Variants in GFRA1 observed in about 807,000 individuals in gnomAD.
GFRA1 encodes GDNF family receptor alpha-1.
GFRA1 carries 16 observed loss-of-function variants against 51.6 expected under a neutral mutation model. That is an observed-to-expected ratio of 0.31 (90% confidence interval 0.21 to 0.47). The LOEUF is 0.47. GFRA1 is among the 20% of genes least tolerant of loss of function. GFRA1 has a pLI of 1.00. For synonymous variants in GFRA1, 270 were observed against 241.3 expected (o/e 1.12, Z -1.10); for missense variants, 530 against 594.3 (o/e 0.89, Z 1.13).
intron 6 of GFRA1, among the ~76,000 whole-genome samples, chr10:116,097,078 A>G (rs1283298632): frequency 6.6e-6 from 1 of 151,972 alleles, no homozygotes; most frequent in Non-Finnish European, 1.5e-5. Context: ...TCCATTCAAT[A>G]TTTATTTCTG....
intron 5 of GFRA1, among the ~76,000 whole-genome samples, chr10:116,206,941 A>C (rs1964824220): frequency 6.6e-6 from 1 of 152,136 alleles, no homozygotes; most frequent in Admixed American, 6.5e-5. Flanking sequence ...CTGAAACCAC[A>C]TTCTTTTAAC....
chr10:116,197,130 C>A (rs1361766211), intron 5 of GFRA1, among the ~76,000 whole-genome samples: 1 of 152,016 alleles, frequency 6.6e-6, no homozygotes, highest in African/African-American at 2.4e-5. Context: ...ATGTTGGTGT[C>A]TCCCTGAAGT....
intron 3 of GFRA1, 122 bp from the exon 4 acceptor site, chr10:116,269,708 A>G: frequency 1.4e-6 from 1 of 707,866 alleles, no homozygotes; most frequent in Non-Finnish European, 2.6e-6. Flanking sequence ...TGAAACTTTG[A>G]AAGATTTCAA....
intron 6 of GFRA1, among the ~76,000 whole-genome samples, chr10:116,101,464 C>A (rs192711506): frequency 8.0e-4 from 122 of 152,136 alleles, no homozygotes; most frequent in African/African-American, 2.8e-3. Context: ...ACCAAGATGG[C>A]CTTAGGAAAT....
chr10:116,077,850 G>A (rs1955684162), intron 9 of GFRA1, among the ~76,000 whole-genome samples: 2 of 152,192 alleles, frequency 1.3e-5, no homozygotes, highest in Non-Finnish European at 2.9e-5. Flanking sequence ...CCAAGTTCCT[G>A]CAACCACAGA....
rs946266314 is a variant in GFRA1 at position 116,096,505 on chromosome 10, A to C, written c.880+150T>G. On this transcript the variant is annotated intron_variant, in intron 7 of 10. Coordinates refer to ENST00000355422, the MANE Select transcript of GFRA1 (RefSeq NM_005264.8). ...TTCTTTTTTTTTTCTTTTTTTTTAC[A>C]GGCATGTCCTCAAGGATTTAACATC... 1.3e-5 allele frequency: 8 copies of C among 605,932 alleles called. No homozygotes were observed. The African/African-American group carries it at 1.5e-4, about 12-fold the overall frequency. The allele number at this position is 605,932 out of a possible 1,614,324, so 37.5% of individuals were successfully genotyped here.
intron 5 of GFRA1, among the ~76,000 whole-genome samples, chr10:116,174,945 A>G (rs1156671368): frequency 6.6e-6 from 1 of 152,198 alleles, no homozygotes; most frequent in Admixed American, 6.5e-5. Flanking sequence ...AACTGATGAG[A>G]AAGGCCCCAC....
At chr10:116,264,992 CT>C (rs1194120788) in intron 4 of GFRA1, among the ~76,000 whole-genome samples, 2 of 152,182 alleles carry the variant, frequency 1.3e-5, no homozygotes, top group East Asian at 3.9e-4. Context: ...AACATGTAGA[CT>C]TTGTGATAAC....
rs1340396072 is a variant in GFRA1 at position 116,060,516 on chromosome 10, T to G, written c.*3882A>C. ...TTGGAACATGGCCCACTGTTGCACCTTGATTTTGCCTTATCTCGCCAACTC... is the reference window on the plus strand; with the variant it reads ...TTGGAACATGGCCCACTGTTGCACCGTGATTTTGCCTTATCTCGCCAACTC... On this transcript the variant is annotated 3_prime_UTR_variant, in exon 11 of 11. Transcript: ENST00000355422. 1 of 152,224 alleles carries G rather than the reference T, an allele frequency of 6.6e-6. No individual in the cohort carries two copies. The highest frequency in any genetic ancestry group is 1.5e-5 in the Non-Finnish European group (1 of 68,070). The allele number at this position is 152,224 out of a possible 1,614,324, so 9.4% of individuals were successfully genotyped here.
chr10:116,261,718 T>C (rs1273863525), intron 4 of GFRA1, among the ~76,000 whole-genome samples: 1 of 152,182 alleles, frequency 6.6e-6, no homozygotes, highest in Non-Finnish European at 1.5e-5. Flanking sequence ...GAAAGAAAAA[T>C]AGTTGCTGAA....
At chr10:116,123,285 A>T (rs1957721781) in intron 6 of GFRA1, among the ~76,000 whole-genome samples, 1 of 152,172 alleles carries the variant, frequency 6.6e-6, no homozygotes, top group Non-Finnish European at 1.5e-5. Flanking sequence ...GGAAGTGAGG[A>T]AGGGTCCTTG....
At chr10:116,073,757 G>T (rs1955503687) in intron 9 of GFRA1, among the ~76,000 whole-genome samples, 1 of 152,138 alleles carries the variant, frequency 6.6e-6, no homozygotes, top group Non-Finnish European at 1.5e-5. Context: ...ATCACCATCA[G>T]ATAATATTTA....
chr10:116,064,783 C>T (rs1955018743), intron 10 of GFRA1, among the ~76,000 whole-genome samples: 1 of 152,152 alleles, frequency 6.6e-6, no homozygotes, highest in Non-Finnish European at 1.5e-5. Flanking sequence ...GCTTGCTCTT[C>T]CATTAGGAAT....
chr10:116,068,891 A>C (rs1955240144), intron 9 of GFRA1, among the ~76,000 whole-genome samples: 1 of 152,202 alleles, frequency 6.6e-6, no homozygotes, highest in African/African-American at 2.4e-5. Flanking sequence ...GTTGCTGCAA[A>C]TTGGGACGTC....
chr10:116,270,723 G>A (rs1000859062), intron 3 of GFRA1, 99 bp downstream of exon 3: 2 of 973,356 alleles, frequency 2.1e-6, no homozygotes, highest in East Asian at 4.8e-5. Flanking sequence ...TGCAGCTGGG[G>A]AGAAGTGAGT....
chr10:116,221,912 C>A (rs1445920273), intron 4 of GFRA1, among the ~76,000 whole-genome samples: 1 of 151,996 alleles, frequency 6.6e-6, no homozygotes, highest in East Asian at 1.9e-4. Flanking sequence ...AGGTTTATGG[C>A]AATTGTTAAG....
intron 5 of GFRA1, among the ~76,000 whole-genome samples, chr10:116,202,848 C>T (rs894102386): frequency 2.0e-5 from 3 of 152,172 alleles, no homozygotes; most frequent in Non-Finnish European, 4.4e-5. Flanking sequence ...AATCATGTTA[C>T]ATCCCCAGCT....
At chr10:116,213,239 C>T (rs1965334080) in intron 4 of GFRA1, among the ~76,000 whole-genome samples, 1 of 152,170 alleles carries the variant, frequency 6.6e-6, no homozygotes, top group Admixed American at 6.5e-5. Flanking sequence ...TTTATACTGG[C>T]AAAACACTGG....
Position 116,161,549 on chromosome 10 carries a change from C to T in GFRA1, c.434-35992G>A, listed in dbSNP as rs568190061. 3.3e-5 allele frequency among the ~76,000 whole-genome samples: 5 copies of T among 152,280 alleles called. No homozygotes were observed. In the South Asian group the frequency reaches 1.0e-3, roughly 32 times the overall value. The stretch of plus-strand genomic sequence containing the variant: ...ATTTCACCTTGAATTGTAATAACCC[C>T]CAAATGTCAAGGGTGGGGCCAGGTG... On this transcript the variant is annotated intron_variant, in intron 5 of 10. Transcript: ENST00000355422.
Sources: gnomAD v4.1 joint callset for allele counts (sites outside exome capture counted in the v4.1 genomes callset) on GRCh38, gnomAD v4.1.1 for gene constraint, MANE v1.5 for transcripts, NCBI Gene and HGNC (gene_info 2026-07-23, HGNC 2026-07-21) for gene names.